RBBP6: variants seen among roughly 807,000 people sequenced by gnomAD.
RBBP6 encodes E3 ubiquitin-protein ligase RBBP6.
RBBP6 carries 25 observed loss-of-function variants against 167.7 expected under a neutral mutation model. That is an observed-to-expected ratio of 0.15 (90% CI 0.11 to 0.21). The LOEUF (loss-of-function observed/expected upper bound fraction) is 0.21, where lower values mean the gene tolerates loss of function less well. RBBP6 is among the 10% of genes least tolerant of loss of function. The probability of loss-of-function intolerance (pLI) is 1.00; values close to 1 mark genes in which losing one functional copy is unlikely to be tolerated. For synonymous variants in RBBP6, 789 were observed against 735.8 expected, an observed-to-expected ratio of 1.07 and a Z score of -1.17; for missense variants, 1,868 against 2,134.2, an observed-to-expected ratio of 0.88 and a Z score of 2.46.
At position 24,570,153 on chromosome 16, in the gene RBBP6, G is replaced by A; in HGVS notation, c.3463G>A (p.Gly1155Ser). ...AAGAAAAAGAAAAACTGAAGAAAAAGGCGTAGATAAAGATTTTGAGTCTTC... is the reference window on the plus strand; with the variant it reads ...AAGAAAAAGAAAAACTGAAGAAAAAAGCGTAGATAAAGATTTTGAGTCTTC... ...EKRKRKTEEK[G>S]VDKDFESSSM... is the part of the protein sequence containing the mutation. Residue 1155 changes from glycine (G) to serine (S), a missense_variant, in exon 17 of 18, where the codon GGC (glycine) becomes AGC (serine). This residue lies in a region of RBBP6 where 673 missense variants were observed against 691.5 expected (regional missense o/e 0.97). Transcript: ENST00000319715. 1 of 1,592,740 alleles carries A rather than the reference G, an allele frequency of 6.3e-7. No homozygotes were observed. Among genetic ancestry groups the A allele is most frequent in the Non-Finnish European group, 8.5e-7 (1 of 1,175,078 alleles).
At position 24,571,294 on chromosome 16, in the gene RBBP6, G is replaced by T; in HGVS notation, c.4228G>T (p.Val1410Leu). 1 of 1,613,882 alleles carries T rather than the reference G, an allele frequency of 6.2e-7. No homozygotes were observed. The highest frequency in any genetic ancestry group is 8.5e-7 in the Non-Finnish European group (1 of 1,179,962). ...KGKTKDRDYS[V>L]LEKENPEKRK... Reference sequence around the variant, plus strand: ...GAAAACCAAAGATCGAGATTATTCAGTGTTGGAAAAGGAGAACCCTGAAAA... The same window carrying T: ...GAAAACCAAAGATCGAGATTATTCATTGTTGGAAAAGGAGAACCCTGAAAA... The change falls in exon 18 of 18, where the codon GTG (valine) becomes TTG (leucine). Residue 1410 changes from valine to leucine, a missense_variant. Coordinates refer to ENST00000319715, the MANE Select transcript of RBBP6 (RefSeq NM_006910.5).
chr16:24,545,721 T>G (rs1430732384), intron 1 of RBBP6, among the ~76,000 whole-genome samples: 1 of 152,252 alleles, frequency 6.6e-6, no homozygotes, highest in Non-Finnish European at 1.5e-5. Flanking sequence ...CATTTTCTCT[T>G]TATTCATAAC....
intron 3 of RBBP6, among the ~76,000 whole-genome samples, chr16:24,551,137 T>C (rs7206159): frequency 0.62 from 93,883 of 151,584 alleles, 30,689 homozygotes; most frequent in African/African-American, 0.83. Context: ...ATCAGAGTGG[T>C]ATTTTATAGG....
intron 3 of RBBP6, chr16:24,553,133 T>A (rs1158860911): frequency 1.2e-5 from 2 of 161,294 alleles, no homozygotes; most frequent in African/African-American, 2.4e-5. Context: ...CAATGTTGTA[T>A]AATGGCCTTG....
At position 24,570,975 on chromosome 16, in the gene RBBP6, T is replaced by C. The variant is rs1899312685; in HGVS notation, c.3909T>C (p.Asn1303=). ...CGATGGAAGAATATAATAATGACAATACCGCGCCAGCTGAAGATGTTATCA... is the reference window on the plus strand; with the variant it reads ...CGATGGAAGAATATAATAATGACAACACCGCGCCAGCTGAAGATGTTATCA... ...IKTMEEYNND[N]TAPAEDVIIM... Residue 1303 remains asparagine, a synonymous_variant, in exon 18 of 18, where the codon AAT becomes AAC. Transcript: ENST00000319715. The C allele has an allele frequency of 1.9e-6, 3 of 1,612,068 alleles. No homozygotes were observed. The highest frequency in any genetic ancestry group is 2.5e-6 in the Non-Finnish European group (3 of 1,178,324).
chr16:24,548,245 A>T (rs568260828), intron 2 of RBBP6, among the ~76,000 whole-genome samples: 1 of 151,518 alleles, frequency 6.6e-6, no homozygotes, highest in Admixed American at 6.6e-5. Context: ...CTACACAGCC[A>T]TTTAAGTCAG....
At chr16:24,559,075 GATT>G (rs904609509) in intron 7 of RBBP6, among the ~76,000 whole-genome samples, 3 of 152,026 alleles carry the variant, frequency 2.0e-5, no homozygotes, top group African/African-American at 7.2e-5. Flanking sequence ...GAGAAGGGGA[GATT>G]TTTTGGGATT....
intron 14 of RBBP6, 118 bp downstream of exon 14, chr16:24,564,983 T>A: frequency 7.0e-7 from 1 of 1,427,340 alleles, no homozygotes; most frequent in Non-Finnish European, 9.2e-7. Context: ...TGTATTGTGC[T>A]TATCCCTCTT....
intron 3 of RBBP6, among the ~76,000 whole-genome samples, chr16:24,552,830 G>T (rs754284239): frequency 4.0e-5 from 6 of 151,706 alleles, no homozygotes; most frequent in Non-Finnish European, 8.9e-5. Flanking sequence ...ATGTACACTT[G>T]CTCTGTGTGA....
chr16:24,570,570 G>T, intron 17 of RBBP6, 71 bp downstream of exon 17: 1 of 1,333,656 alleles, frequency 7.5e-7, no homozygotes, highest in Admixed American at 2.8e-5. Context: ...ATCCATGCTT[G>T]TGCTTTTTAT....
In RBBP6 at chr16:24,570,004, T is replaced by C; in HGVS notation, c.3314T>C (p.Val1105Ala). 1.3e-6 allele frequency: 2 copies of C among 1,591,130 alleles called. No homozygotes were observed. The highest frequency in any genetic ancestry group is 1.7e-6 in the Non-Finnish European group (2 of 1,173,648). ...SAKEHQETKP[V>A]KEEKVKKDYS... The stretch of plus-strand genomic sequence containing the variant: ...AAAGAACACCAAGAAACAAAACCAG[T>C]CAAAGAGGAAAAAGTGAAGAAGGAC... The change falls in exon 17 of 18, where the codon GTC (valine) becomes GCC (alanine). Residue 1105 changes from valine (V) to alanine (A), a missense_variant. Val to Ala is a moderately conservative substitution (Grantham distance 64). This residue lies in a region of RBBP6 where 673 missense variants were observed against 691.5 expected (regional missense o/e 0.97). Coordinates refer to ENST00000319715, the MANE Select transcript of RBBP6 (RefSeq NM_006910.5).
chr16:24,557,351 A>C (rs950744071), intron 7 of RBBP6, among the ~76,000 whole-genome samples: 1 of 152,196 alleles, frequency 6.6e-6, no homozygotes, highest in African/African-American at 2.4e-5. Context: ...ATGGACAGAC[A>C]TGAAAATTCA....
At chr16:24,561,204 A>G (rs940534575) in intron 8 of RBBP6, among the ~76,000 whole-genome samples, 1 of 152,222 alleles carries the variant, frequency 6.6e-6, no homozygotes, top group Non-Finnish European at 1.5e-5. Context: ...AGCTAAACAA[A>G]GAATAGTCTT....
rs1898462412 is a variant in RBBP6 at position 24,540,659 on chromosome 16, A to G, written c.33A>G (p.Lys11=). 6.2e-7 allele frequency: 1 copy of G among 1,613,780 alleles called. No homozygotes were observed. Among genetic ancestry groups the G allele is most frequent in the Non-Finnish European group, 8.5e-7 (1 of 1,179,970 alleles). The change falls in exon 1 of 18, where the codon AAA becomes AAG. Residue 11 remains lysine, a synonymous_variant. Transcript: ENST00000319715. The part of the protein sequence containing the change: MSCVHYKFSS[K]LNYDTVTFDG... ...GTGTGCATTATAAATTTTCCTCTAAACTCAACTATGATACCGTCACCTTTG... is the reference window on the plus strand; with the variant it reads ...GTGTGCATTATAAATTTTCCTCTAAGCTCAACTATGATACCGTCACCTTTG...
chr16:24,562,172 G>A lies in RBBP6; in HGVS notation c.1289+11G>A, dbSNP rs1478151547. ...AGATGGACCTTTTCGGTAAGCCTGT[G>A]TGTTTTTCACTGTTAGAAACCAAAT... On this transcript the variant is annotated intron_variant, in intron 10 of 17. Transcript: ENST00000319715. 6.3e-7 allele frequency: 1 copy of A among 1,585,806 alleles called. No homozygotes were observed. Among genetic ancestry groups the A allele is most frequent in the Non-Finnish European group, 8.6e-7 (1 of 1,158,194 alleles).
chr16:24,565,934 A>G (rs1218865890), intron 14 of RBBP6, among the ~76,000 whole-genome samples: 1 of 152,158 alleles, frequency 6.6e-6, no homozygotes, highest in African/African-American at 2.4e-5. Context: ...ACATGGTGGC[A>G]TGCACCTGTG....
intron 3 of RBBP6, among the ~76,000 whole-genome samples, chr16:24,552,494 A>T (rs1372388249): frequency 6.6e-6 from 1 of 151,922 alleles, no homozygotes; most frequent in Non-Finnish European, 1.5e-5. Flanking sequence ...GGGAAATCAT[A>T]TCTTCAAGAT....
In RBBP6 at chr16:24,553,570, A is replaced by G. The variant is rs1353473839; in HGVS notation, c.348+13A>G. On this transcript the variant is annotated intron_variant, in intron 4 of 17. Transcript: ENST00000319715. ...CCAGCTTACAAAGGTATATATATAT[A>G]TATATTCTTGAAAATATAAGTTTTT... 6.5e-7 allele frequency: 1 copy of G among 1,547,430 alleles called. No homozygotes were observed. Among genetic ancestry groups the G allele is most frequent in the South Asian group, 1.2e-5 (1 of 82,580 alleles).
intron 15 of RBBP6, 74 bp downstream of exon 15, chr16:24,567,579 A>G (rs931864195): frequency 3.4e-6 from 5 of 1,480,544 alleles, no homozygotes; most frequent in Non-Finnish European, 2.7e-6. Context: ...GTGTCTGGAA[A>G]CGTTTTCCAG....
Sources: allele counts gnomAD v4.1 joint callset (sites outside exome capture counted in the v4.1 genomes callset), GRCh38; gene constraint gnomAD v4.1.1; regional missense constraint gnomAD v4.1.1; transcripts MANE v1.5; gene names NCBI Gene and HGNC (gene_info 2026-07-23, HGNC 2026-07-21).